The following MRPL39 variants were observed in gnomAD, a reference collection of about 807,000 sequenced individuals.
MRPL39 encodes the protein mitochondrial ribosomal protein L39.
Under a neutral mutation model 44.5 loss-of-function variants are expected in MRPL39, and 35 were observed. The ratio of observed to expected loss-of-function variants is 0.79; its 90% confidence interval spans 0.60 to 1.04. The LOEUF is 1.04. MRPL39 is among the 50% of genes least tolerant of loss of function. The probability of loss-of-function intolerance (pLI) is 0.00; values close to 1 mark genes in which losing one functional copy is unlikely to be tolerated. For missense variants in MRPL39, 433 were observed against 413.5 expected, an observed-to-expected ratio of 1.05 and a Z score of -0.41; for synonymous variants, 139 against 136.1, an observed-to-expected ratio of 1.02 and a Z score of -0.15.
At chr21:25,601,234 GA>G (rs1229067072) in intron 4 of MRPL39, 133 bp downstream of exon 4, 25 of 429,370 alleles carry the variant, frequency 5.8e-5, no homozygotes, top group African/African-American at 5.2e-4. Context: ...ATCATAGTAA[GA>G]AAGATTTTGT....
upstream of MRPL39, among the ~76,000 whole-genome samples, chr21:25,607,827 C>A (rs2031743598): frequency 6.8e-6 from 1 of 146,134 alleles, no homozygotes; most frequent in Non-Finnish European, 1.5e-5. Flanking sequence ...CCCGGCCACC[C>A]AGGTGAAGCG....
rs747405888 is a variant in MRPL39, at chr21:25,599,853, G to A, written c.534C>T (p.Ala178=). 1.4e-5 allele frequency: 22 copies of A among 1,613,242 alleles called. No homozygotes were observed. The Admixed American group carries it at 3.3e-4, about 24-fold the overall frequency. Residue 178 remains alanine, a synonymous_variant, in exon 5 of 10, where the codon GCC becomes GCT. Transcript: ENST00000352957. ...TATCCAAAACTACGTCATAACAGAAGGCACCAGAAATTACTGTAAATCCAA... is the reference window on the plus strand; with the variant it reads ...TATCCAAAACTACGTCATAACAGAAAGCACCAGAAATTACTGTAAATCCAA... The part of the protein sequence containing the change: ...RAPEVPVISG[A]FCYDVVLDSK...
intron 9 of MRPL39, among the ~76,000 whole-genome samples, chr21:25,588,338 C>A (rs1452509654): frequency 6.6e-6 from 1 of 151,928 alleles, no homozygotes; most frequent in Admixed American, 6.6e-5. Context: ...GAAATACTAT[C>A]ATTCCTACTC....
chr21:25,598,071 A>C (rs114596775), intron 5 of MRPL39, among the ~76,000 whole-genome samples: 1,628 of 152,264 alleles, frequency 0.011, 26 homozygotes, highest in African/African-American at 0.037. Context: ...ACTATTACAC[A>C]AGTAATTTTT....
At chr21:25,602,657 T>C (rs1018456220) in intron 3 of MRPL39, among the ~76,000 whole-genome samples, 2 of 152,208 alleles carry the variant, frequency 1.3e-5, no homozygotes, top group African/African-American at 4.8e-5. Context: ...ATCTAGAGAC[T>C]AGCCAAGTTG....
chr21:25,597,254 T>C (rs754107719), intron 6 of MRPL39, 48 bp downstream of exon 6: 2 of 1,215,328 alleles, frequency 1.6e-6, no homozygotes, highest in Admixed American at 2.2e-5. Context: ...CTTTATTACA[T>C]ATAATACTGG....
At position 25,599,671 on chromosome 21, in the gene MRPL39, T is replaced by C. The variant is rs979510083; in HGVS notation, c.588+128A>G. The C allele has an allele frequency of 5.3e-5, 40 of 756,758 alleles. 1 individual carries two copies. The South Asian group carries it at 6.0e-4, about 11-fold the overall frequency. 46.9% of individuals were successfully genotyped at this position (756,758 alleles called of 1,614,324 possible). On this transcript the variant is annotated intron_variant, in intron 5 of 9. Coordinates refer to ENST00000352957, the MANE Select transcript of MRPL39 (RefSeq NM_017446.4). ...ACAGACAGACAGATACATAGATACA[T>C]AGATAGATACATAGATTCTTTTAAA...
chr21:25,603,721 C>T, intron 3 of MRPL39, 75 bp downstream of exon 3: 2 of 1,420,798 alleles, frequency 1.4e-6, no homozygotes, highest in South Asian at 1.4e-5. Flanking sequence ...TTACATTACA[C>T]CCCATAGAAA....
chr21:25,586,580 T>A (rs578161386), intron 9 of MRPL39, among the ~76,000 whole-genome samples: 11 of 152,328 alleles, frequency 7.2e-5, no homozygotes, highest in African/African-American at 2.6e-4. Flanking sequence ...AAGTCAGGAA[T>A]GCAAGTTCCA....
intron 8 of MRPL39, among the ~76,000 whole-genome samples, chr21:25,590,382 T>TA (rs57382759): frequency 0.1 from 14,180 of 137,896 alleles, 955 homozygotes; most frequent in East Asian, 0.37. Flanking sequence ...GCTAATGAGC[T>TA]AAAAAAAAAA....
rs770907681 is a variant in MRPL39 at position 25,587,818 on chromosome 21, A to G, written c.969+1017T>C. ...GAAAGAAAAACTATCATGAAGAAAT[A>G]AGCAAACTTGAAAATAAGTTTAATG... On this transcript the variant is annotated intron_variant, in intron 9 of 9. Coordinates refer to ENST00000352957, the MANE Select transcript of MRPL39 (RefSeq NM_017446.4). 2.6e-6 allele frequency: 4 copies of G among 1,524,842 alleles called. No homozygotes were observed. In the African/African-American group the frequency reaches 4.1e-5, roughly 16 times the overall value. 94.5% of individuals were successfully genotyped at this position (1,524,842 alleles called of 1,614,324 possible). A position where few individuals can be genotyped will look rare whatever the true frequency, so the allele number is the denominator to read the frequency against.
chr21:25,598,600 C>A (rs951766633), intron 5 of MRPL39, among the ~76,000 whole-genome samples: 4 of 152,016 alleles, frequency 2.6e-5, no homozygotes, highest in African/African-American at 9.7e-5. Flanking sequence ...TGACAGGAGC[C>A]CAGAGGTCAT....
Position 25,606,443 on chromosome 21 carries a change from ACTT to A in MRPL39, c.280+3_280+5del. 1 of 1,587,508 alleles carries A rather than the reference ACTT, an allele frequency of 6.3e-7. No homozygotes were observed. The highest frequency in any genetic ancestry group is 8.6e-7 in the Non-Finnish European group (1 of 1,165,678). On this transcript the variant is annotated splice_donor_5th_base_variant and intron_variant, in intron 2 of 9. Coordinates refer to ENST00000352957, the MANE Select transcript of MRPL39 (RefSeq NM_017446.4). ...GTCAAAACTGTAACCTGATTCTGCT[ACTT>A]ACGCATGGCACAACTGTAGGGAGTT...
intron 4 of MRPL39, 98 bp from the exon 5 acceptor site, chr21:25,599,964 G>T: frequency 1.1e-6 from 1 of 874,808 alleles, no homozygotes. Context: ...AAAAGGATTA[G>T]CACTCTCTCC....
chr21:25,595,024 T>C (rs1364712408), intron 6 of MRPL39, among the ~76,000 whole-genome samples: 1 of 152,188 alleles, frequency 6.6e-6, no homozygotes, highest in African/African-American at 2.4e-5. Flanking sequence ...CCAGTATCTC[T>C]CAAATCTACC....
intron 1 of MRPL39, 32 bp from the exon 2 acceptor site, chr21:25,606,687 G>A (rs1363432894): frequency 1.9e-6 from 3 of 1,546,148 alleles, no homozygotes; most frequent in Admixed American, 1.8e-5. Flanking sequence ...TATGAAGACT[G>A]AAAAAATGAT....
chr21:25,603,646 G>T, intron 3 of MRPL39, 150 bp downstream of exon 3: 1 of 753,224 alleles, frequency 1.3e-6, no homozygotes, highest in Non-Finnish European at 2.1e-6. Context: ...CTACAAAAGT[G>T]CCTAATCTAA....
In MRPL39 at chr21:25,603,888, C is replaced by T. The variant is rs1342044169; in HGVS notation, c.328G>A (p.Gly110Arg). The T allele has an allele frequency of 6.2e-7, 1 of 1,612,434 alleles. No homozygotes were observed. The highest frequency in any genetic ancestry group is 1.7e-5 in the Admixed American group (1 of 59,568). ...GGCTTATACATGTCCCAAGGCTGTC[C>T]ATCCACCAGAGCCAGAATGGACTTC... is the stretch of plus-strand genomic sequence containing the variant. ...CRKSILALVD[G>R]QPWDMYKPLT... The change falls in exon 3 of 10, where the codon GGA (glycine) becomes AGA (arginine). Residue 110 changes from glycine to arginine, a missense_variant. Coordinates refer to ENST00000352957, the MANE Select transcript of MRPL39 (RefSeq NM_017446.4).
At chr21:25,594,066 G>T in intron 6 of MRPL39, 108 bp from the exon 7 acceptor site, 1 of 898,962 alleles carries the variant, frequency 1.1e-6, no homozygotes, top group Non-Finnish European at 1.7e-6. Flanking sequence ...CTGAGAGTAG[G>T]TTACACTTGG....
Sources: allele counts gnomAD v4.1 joint callset (sites outside exome capture counted in the v4.1 genomes callset), GRCh38; gene constraint gnomAD v4.1.1; transcripts MANE v1.5; gene names NCBI Gene and HGNC (gene_info 2026-07-23, HGNC 2026-07-21).